The following FSTL5 variants were observed in gnomAD, a reference collection of about 807,000 sequenced individuals.
FSTL5 encodes follistatin like 5.
A neutral mutation model predicts 89.1 loss-of-function variants in FSTL5; 62 were observed. The observed-to-expected ratio is 0.70, with a 90% CI of 0.57 to 0.86. FSTL5 has a LOEUF of 0.86. Ranked by LOEUF, FSTL5 falls within the 40% of genes least tolerant of loss-of-function variation. The pLI is 0.00. For missense variants in FSTL5, 1,057 were observed against 1,001.6 expected, an observed-to-expected ratio of 1.06 and a Z score of -0.75; for synonymous variants, 383 against 346.2, an observed-to-expected ratio of 1.11 and a Z score of -1.18.
chr4:161,577,779 A>G (rs553856511), intron 8 of FSTL5, among the ~76,000 whole-genome samples: 1 of 152,248 alleles, frequency 6.6e-6, no homozygotes, highest in Admixed American at 6.5e-5. Flanking sequence ...AACCACTACA[A>G]TCAGGGAGCT....
intron 7 of FSTL5, among the ~76,000 whole-genome samples, chr4:161,632,886 G>C (rs1459294510): frequency 6.6e-6 from 1 of 152,096 alleles, no homozygotes; most frequent in Non-Finnish European, 1.5e-5. Flanking sequence ...TCTTATGAGG[G>C]ACAGAAAACT....
At chr4:161,709,205 C>G (rs1488205653) in intron 6 of FSTL5, among the ~76,000 whole-genome samples, 1 of 151,912 alleles carries the variant, frequency 6.6e-6, no homozygotes, top group Admixed American at 6.6e-5. Flanking sequence ...AAATTATTTT[C>G]CTTTTGTTAT....
intron 2 of FSTL5, among the ~76,000 whole-genome samples, chr4:162,078,506 C>T (rs1041618545): frequency 5.9e-5 from 9 of 151,748 alleles, no homozygotes; most frequent in African/African-American, 1.9e-4. Flanking sequence ...TACATGATGC[C>T]GTTCTCCCAT....
intron 6 of FSTL5, among the ~76,000 whole-genome samples, chr4:161,685,787 C>G (rs1385819357): frequency 6.6e-6 from 1 of 152,086 alleles, no homozygotes; most frequent in Non-Finnish European, 1.5e-5. Flanking sequence ...CTTGGAATTC[C>G]AGTACTATAT....
intron 4 of FSTL5, among the ~76,000 whole-genome samples, chr4:161,829,909 G>C (rs1730791081): frequency 6.6e-6 from 1 of 151,994 alleles, no homozygotes; most frequent in South Asian, 2.1e-4. Flanking sequence ...TTGCAATTTT[G>C]TTTGCAAGGA....
chr4:161,947,177 AC>A (rs1322259082), intron 3 of FSTL5, among the ~76,000 whole-genome samples: 1 of 150,390 alleles, frequency 6.6e-6, no homozygotes, highest in Non-Finnish European at 1.5e-5. Context: ...TTACTCTGTT[AC>A]TGCTTGTGGT....
chr4:161,765,127 C>A (rs1740947977), intron 5 of FSTL5, among the ~76,000 whole-genome samples: 1 of 152,178 alleles, frequency 6.6e-6, no homozygotes, highest in Non-Finnish European at 1.5e-5. Context: ...CATTCTAAGT[C>A]AAACACCTGG....
intron 4 of FSTL5, among the ~76,000 whole-genome samples, chr4:161,791,392 T>C (rs1729468338): frequency 2.5e-5 from 2 of 80,778 alleles, no homozygotes; most frequent in South Asian, 8.7e-4. Context: ...GTATCTTAAA[T>C]TACAGATTGA....
chr4:161,982,497 C>T (rs1233783460), intron 3 of FSTL5, among the ~76,000 whole-genome samples: 1 of 152,152 alleles, frequency 6.6e-6, no homozygotes, highest in Non-Finnish European at 1.5e-5. Flanking sequence ...CAAATATTTT[C>T]CCACTCTTGT....
chr4:161,707,030 G>A (rs1387458726), intron 6 of FSTL5, among the ~76,000 whole-genome samples: 1 of 151,494 alleles, frequency 6.6e-6, no homozygotes, highest in Admixed American at 6.6e-5. Flanking sequence ...TGTAGTTAGA[G>A]TTACAATATA....
At chr4:161,742,064 G>A (rs1266755660) in intron 6 of FSTL5, among the ~76,000 whole-genome samples, 1 of 151,964 alleles carries the variant, frequency 6.6e-6, no homozygotes, top group East Asian at 1.9e-4. Context: ...AAGGAATGGG[G>A]CATTTTTGGA....
intron 8 of FSTL5, among the ~76,000 whole-genome samples, chr4:161,549,293 G>T: frequency 6.6e-6 from 1 of 151,200 alleles, no homozygotes; most frequent in Middle Eastern, 3.4e-3. Context: ...TTAAGGTTTT[G>T]AAAATCAAAA....
At chr4:161,965,111 G>A (rs1258399403) in intron 3 of FSTL5, among the ~76,000 whole-genome samples, 1 of 152,056 alleles carries the variant, frequency 6.6e-6, no homozygotes, top group Non-Finnish European at 1.5e-5. Flanking sequence ...TTTTCCTAAA[G>A]CATATATTTA....
intron 1 of FSTL5, among the ~76,000 whole-genome samples, chr4:162,124,993 T>G (rs6853444): frequency 0.16 from 24,398 of 152,174 alleles, 3,263 homozygotes; most frequent in African/African-American, 0.36. Flanking sequence ...ATGAGCTACC[T>G]CGCCTGGCCT....
intron 3 of FSTL5, among the ~76,000 whole-genome samples, chr4:161,956,702 C>T (rs1008977180): frequency 6.6e-6 from 1 of 151,808 alleles, no homozygotes; most frequent in Non-Finnish European, 1.5e-5. Context: ...GAGGAAGAGA[C>T]ACGGGTTAAT....
chr4:161,957,185 TTAGA>T (rs944927930), intron 3 of FSTL5, among the ~76,000 whole-genome samples: 5 of 152,000 alleles, frequency 3.3e-5, no homozygotes, highest in African/African-American at 4.8e-5. Flanking sequence ...GATTTAATGG[TTAGA>T]TAGAGTGATT....
chr4:161,603,018 A>T (rs562645407), intron 7 of FSTL5, among the ~76,000 whole-genome samples: 2 of 152,328 alleles, frequency 1.3e-5, no homozygotes, highest in East Asian at 3.9e-4. Context: ...TAAACAAAAA[A>T]GGGTAGTTGT....
At chr4:161,450,210 T>G (rs1245265337) in intron 15 of FSTL5, among the ~76,000 whole-genome samples, 1 of 152,232 alleles carries the variant, frequency 6.6e-6, no homozygotes, top group Non-Finnish European at 1.5e-5. Context: ...CTCCTTACCT[T>G]TCTAGAATCT....
rs138203468 is a variant in FSTL5 at position 161,576,001 on chromosome 4, C to A, written c.1015+11454G>T. 5.6e-4 allele frequency among the ~76,000 whole-genome samples: 85 copies of A among 152,218 alleles called. 2 individuals carry two copies. In the East Asian group the frequency reaches 0.016, roughly 28 times the overall value. On this transcript the variant is annotated intron_variant, in intron 8 of 15. Transcript: ENST00000306100. ...GAATACAAAATCAATGTGCAAAAAT[C>A]ACAACCATTCCTATATACCAACAAC...
Sources: gnomAD v4.1 joint callset for allele counts (sites outside exome capture counted in the v4.1 genomes callset) on GRCh38, gnomAD v4.1.1 for gene constraint, MANE v1.5 for transcripts, NCBI Gene and HGNC (gene_info 2026-07-23, HGNC 2026-07-21) for gene names.